The following ZNF697 variants were observed in gnomAD, a reference collection of about 807,000 sequenced individuals.
ZNF697 encodes the protein zinc finger protein 697.
Under a neutral mutation model 32.4 loss-of-function variants are expected in ZNF697, and 23 were observed. That is an observed-to-expected ratio of 0.71 (90% CI 0.51 to 1.01). ZNF697 has a LOEUF of 1.01. ZNF697 is among the 50% of genes least tolerant of loss of function. The pLI, the probability that ZNF697 is intolerant of heterozygous loss-of-function variation, is 0.00. For missense variants in ZNF697, 930 were observed against 794.0 expected, an observed-to-expected ratio of 1.17 and a Z score of -2.06; for synonymous variants, 418 against 337.2, an observed-to-expected ratio of 1.24 and a Z score of -2.62.
At chr1:119,626,167 C>G (rs1026152417) in intron 1 of ZNF697, 30 bp from the exon 2 acceptor site, 5 of 1,601,094 alleles carry the variant, frequency 3.1e-6, no homozygotes, top group Non-Finnish European at 3.4e-6. Context: ...AGAAAGGTCA[C>G]GTCAGTCCGG....
chr1:119,647,201 C>CA (rs1332759529), intron 1 of ZNF697, among the ~76,000 whole-genome samples: 1 of 152,172 alleles, frequency 6.6e-6, no homozygotes, highest in Non-Finnish European at 1.5e-5. Context: ...AAGGTACACT[C>CA]AGCGCCTCTG....
chr1:119,638,752 A>G lies in ZNF697; in HGVS notation c.-38+8939T>C, dbSNP rs1648990021. ...CCCCTGACCTGCACTCCAGATCCAC[A>G]TTTCTCATGATGCCCCAAGCATTAC... On this transcript the variant is annotated intron_variant, in intron 1 of 2. Transcript: ENST00000421812. 2.0e-5 allele frequency among the ~76,000 whole-genome samples: 3 copies of G among 152,110 alleles called. No homozygotes were observed. The South Asian group carries it at 6.2e-4, about 32-fold the overall frequency.
intron 1 of ZNF697, among the ~76,000 whole-genome samples, chr1:119,636,207 T>C (rs1648914965): frequency 6.6e-6 from 1 of 152,170 alleles, no homozygotes; most frequent in Non-Finnish European, 1.5e-5. Flanking sequence ...AGTAATGGTA[T>C]TTTTCTTGAG....
At chr1:119,637,208 C>CT (rs1648946767) in intron 1 of ZNF697, among the ~76,000 whole-genome samples, 1 of 152,178 alleles carries the variant, frequency 6.6e-6, no homozygotes, top group Admixed American at 6.5e-5. Context: ...TAAAGAAGGG[C>CT]ATTCTGAGAG....
chr1:119,637,892 G>C (rs377588729), intron 1 of ZNF697, among the ~76,000 whole-genome samples: 2 of 151,792 alleles, frequency 1.3e-5, no homozygotes, highest in Non-Finnish European at 2.9e-5. Flanking sequence ...ATAATACTGA[G>C]TCCTTTGTAT....
chr1:119,631,816 C>G (rs1648786631), intron 1 of ZNF697, among the ~76,000 whole-genome samples: 1 of 152,200 alleles, frequency 6.6e-6, no homozygotes, highest in Admixed American at 6.5e-5. Context: ...GGGTCCCTTC[C>G]CTACCTCCTC....
chr1:119,647,576 GCCCTTCTCGGAGC>G (rs1468579949), intron 1 of ZNF697, 102 bp downstream of exon 1: 1 of 152,518 alleles, frequency 6.6e-6, no homozygotes, highest in Non-Finnish European at 1.5e-5. Flanking sequence ...CCTCTCTCCT[GCCCTTCTCGGAGC>G]CCCCCACCCT....
At chr1:119,637,055 C>A (rs1036827594) in intron 1 of ZNF697, among the ~76,000 whole-genome samples, 2 of 152,220 alleles carry the variant, frequency 1.3e-5, no homozygotes, top group Admixed American at 6.5e-5. Context: ...ACCCAGTACA[C>A]AAAATGCTTT....
chr1:119,623,667 C>A lies in ZNF697; in HGVS notation c.676G>T (p.Gly226Cys). 4.6e-6 allele frequency: 7 copies of A among 1,526,076 alleles called. No homozygotes were observed. The highest frequency in any genetic ancestry group is 2.0e-5 in the Admixed American group (1 of 50,166). 94.5% of individuals were successfully genotyped at this position (1,526,076 alleles called of 1,614,324 possible). A position where few individuals can be genotyped will look rare whatever the true frequency, so the allele number is the denominator to read the frequency against. ...AAAAASLEPF[G>C]LAGECDAMVG... ...ATCGCGTCGCACTCGCCCGCCAGGC[C>A]GAAGGGCTCCAGGCTGGCGGCGGCA... Residue 226 changes from glycine to cysteine, a missense_variant, in exon 3 of 3, where the codon GGC becomes TGC. Coordinates refer to ENST00000421812, the MANE Select transcript of ZNF697 (RefSeq NM_001080470.2).
intron 1 of ZNF697, among the ~76,000 whole-genome samples, chr1:119,644,533 CA>C (rs1649154503): frequency 6.6e-6 from 1 of 152,182 alleles, no homozygotes. Flanking sequence ...TGACAGTCAG[CA>C]GACGTAAATT....
Position 119,623,918 on chromosome 1 carries a change from G to T in ZNF697, c.425C>A (p.Pro142His). Residue 142 changes from proline to histidine, a missense_variant, in exon 3 of 3, where the codon CCC becomes CAC. Pro to His is a moderately conservative substitution (Grantham distance 77). Coordinates refer to ENST00000421812, the MANE Select transcript of ZNF697 (RefSeq NM_001080470.2). ...CCCCAGGGAGAGATGTCGCCTCCAGGGAAGTACGGGAGGGGCCGGCTGCTC... is the reference window on the plus strand; with the variant it reads ...CCCCAGGGAGAGATGTCGCCTCCAGTGAAGTACGGGAGGGGCCGGCTGCTC... ...EEEQPAPPVL[P>H]WRRHLSLGSR... 2 of 1,574,770 alleles carry T rather than the reference G, an allele frequency of 1.3e-6. No individual in the cohort carries two copies. Among genetic ancestry groups the T allele is most frequent in the South Asian group, 2.3e-5 (2 of 85,482 alleles).
chr1:119,637,943 G>C (rs186092444), intron 1 of ZNF697, among the ~76,000 whole-genome samples: 31 of 150,420 alleles, frequency 2.1e-4, no homozygotes, highest in African/African-American at 6.1e-4. Context: ...GTGTATGTGT[G>C]AGAGAGAGAG....
chr1:119,626,168 G>A (rs951961189), intron 1 of ZNF697, 31 bp from the exon 2 acceptor site: 22 of 1,599,036 alleles, frequency 1.4e-5, no homozygotes, highest in Non-Finnish European at 1.9e-5. Context: ...GAAAGGTCAC[G>A]TCAGTCCGGT....
intron 1 of ZNF697, among the ~76,000 whole-genome samples, chr1:119,639,379 T>C (rs1007575929): frequency 7.2e-5 from 11 of 152,202 alleles, no homozygotes; most frequent in Non-Finnish European, 1.2e-4. Context: ...GACTTGGTCA[T>C]ATAAGCACAG....
intron 1 of ZNF697, among the ~76,000 whole-genome samples, chr1:119,636,325 T>C (rs370994085): frequency 8.5e-4 from 129 of 152,310 alleles, no homozygotes; most frequent in African/African-American, 2.2e-3. Flanking sequence ...AGCTTTTTCT[T>C]GGACTCTGAA....
chr1:119,648,251 C>G lies in ZNF697; in HGVS notation c.-598G>C, dbSNP rs960347746. Among the ~76,000 whole-genome samples, 2 of 134,954 alleles carry G rather than the reference C, an allele frequency of 1.5e-5. No homozygotes were observed. Among genetic ancestry groups the G allele is most frequent in the Non-Finnish European group, 3.4e-5 (2 of 58,306 alleles). The allele number at this position is 134,954 out of a possible 152,430, so 88.5% of individuals were successfully genotyped here. A position where few individuals can be genotyped will look rare whatever the true frequency, so the allele number is the denominator to read the frequency against. ...CTGGCTGGCTCGCTGGCTGGCTGCCCGGCTGACTCCTCACTGGGGCTTCCT... is the reference window on the plus strand; with the variant it reads ...CTGGCTGGCTCGCTGGCTGGCTGCCGGGCTGACTCCTCACTGGGGCTTCCT... On this transcript the variant is annotated 5_prime_UTR_variant, in exon 1 of 3. Transcript: ENST00000421812.
chr1:119,644,880 C>G (rs1360417212), intron 1 of ZNF697, among the ~76,000 whole-genome samples: 1 of 152,142 alleles, frequency 6.6e-6, no homozygotes, highest in Non-Finnish European at 1.5e-5. Context: ...TCATAGATTG[C>G]TTGGGCTATA....
At chr1:119,646,718 A>G (rs1649214549) in intron 1 of ZNF697, among the ~76,000 whole-genome samples, 1 of 152,204 alleles carries the variant, frequency 6.6e-6, no homozygotes, top group African/African-American at 2.4e-5. Context: ...TTGAGAGAAG[A>G]AGGTAAACAG....
intron 1 of ZNF697, among the ~76,000 whole-genome samples, chr1:119,626,515 T>C (rs1648596110): frequency 6.6e-6 from 1 of 152,226 alleles, no homozygotes; most frequent in Admixed American, 6.5e-5. Context: ...CATAAACTTA[T>C]AAGCAGTAGA....
Sources: gnomAD v4.1 joint callset for allele counts (sites outside exome capture counted in the v4.1 genomes callset) on GRCh38, gnomAD v4.1.1 for gene constraint, MANE v1.5 for transcripts, NCBI Gene and HGNC (gene_info 2026-07-23, HGNC 2026-07-21) for gene names.